KIRREL3: variants seen among roughly 807,000 people sequenced by gnomAD.
KIRREL3 encodes the protein kirre like nephrin family adhesion molecule 3.
A neutral mutation model predicts 89.7 loss-of-function variants in KIRREL3; 36 were observed. The observed-to-expected ratio is 0.40, with a 90% CI of 0.31 to 0.53. The LOEUF (loss-of-function observed/expected upper bound fraction) is 0.53, where lower values mean the gene tolerates loss of function less well. Among genes scored for constraint, KIRREL3 ranks in the 20% least tolerant of loss-of-function variants. KIRREL3 has a pLI of 0.49. For synonymous variants in KIRREL3, 445 were observed against 441.4 expected, an observed-to-expected ratio of 1.01 and a Z score of -0.10; for missense variants, 864 against 1,056.6, an observed-to-expected ratio of 0.82 and a Z score of 2.53.
rs1483974120 is a variant in KIRREL3 at position 126,860,258 on chromosome 11, C to T, written c.55+140197G>A. Among the ~76,000 whole-genome samples the T allele has an allele frequency of 2.6e-5, 4 of 152,090 alleles. No homozygotes were observed. The highest frequency in any genetic ancestry group is 5.9e-5 in the Non-Finnish European group (4 of 68,032). ...TTCTCCAACACCACACTGTGAGCTC[C>T]CAGAGGGTAGGAACTGACACTTAAA... is the stretch of plus-strand genomic sequence containing the variant. On this transcript the variant is annotated intron_variant, in intron 1 of 16. Coordinates refer to ENST00000525144, the MANE Select transcript of KIRREL3 (RefSeq NM_032531.4). This position sits in a 1 kb window ranked among gnomAD's most constrained non-coding sequence, Gnocchi z 4.6.
rs1284879447 is a variant in KIRREL3, at chr11:126,924,871, A to G, written c.55+75584T>C. On this transcript the variant is annotated intron_variant, in intron 1 of 16. Transcript: ENST00000525144. This position sits in a 1 kb window ranked among gnomAD's most constrained non-coding sequence, Gnocchi z 4.7. ...TGTTATTAGCATGATTCACTCTCCAACAGCATGAATATTCGGTGTGACTGT... is the reference window on the plus strand; with the variant it reads ...TGTTATTAGCATGATTCACTCTCCAGCAGCATGAATATTCGGTGTGACTGT... Among the ~76,000 whole-genome samples, 1 of 151,846 alleles carries G rather than the reference A, an allele frequency of 6.6e-6. No individual in the cohort carries two copies. Among genetic ancestry groups the G allele is most frequent in the East Asian group, 1.9e-4 (1 of 5,176 alleles).
At chr11:126,952,138 C>T (rs190376589) in intron 1 of KIRREL3, among the ~76,000 whole-genome samples, 14 of 152,340 alleles carry the variant, frequency 9.2e-5, no homozygotes, top group East Asian at 7.7e-4. Context: ...CTAATCCCAG[C>T]GCTTTGGGAG....
chr11:126,856,617 A>AT (rs1441369299), intron 1 of KIRREL3, among the ~76,000 whole-genome samples: 1 of 61,428 alleles, frequency 1.6e-5, no homozygotes, highest in Non-Finnish European at 3.2e-5. Context: ...ACACAGACAT[A>AT]TATTTTTTTT....
Position 126,424,571 on chromosome 11 carries a change from G to A in KIRREL3, c.*9C>T. 6.2e-7 allele frequency: 1 copy of A among 1,613,002 alleles called. No individual in the cohort carries two copies. The highest frequency in any genetic ancestry group is 8.5e-7 in the Non-Finnish European group (1 of 1,179,484). ...TCCCTGGCCCGTCCCCACCCGCGGTGTGTGATCCTTAGACGTGAGTCTGCA... is the reference window on the plus strand; with the variant it reads ...TCCCTGGCCCGTCCCCACCCGCGGTATGTGATCCTTAGACGTGAGTCTGCA... On this transcript the variant is annotated 3_prime_UTR_variant, in exon 17 of 17. Coordinates refer to ENST00000525144, the MANE Select transcript of KIRREL3 (RefSeq NM_032531.4).
chr11:126,429,330 T>C lies in KIRREL3; in HGVS notation c.1697-42A>G, dbSNP rs368620051. 2.2e-3 allele frequency: 3,116 copies of C among 1,438,310 alleles called. 5 individuals carry two copies. Among genetic ancestry groups the C allele is most frequent in the Non-Finnish European group, 2.6e-3 (2,667 of 1,022,662 alleles). 89.1% of individuals were successfully genotyped at this position (1,438,310 alleles called of 1,614,324 possible). ...AAAGTGTAGATGATAGATTTAGTTC[T>C]TACCTTTGAGATGTCAAGCTCCCTT... On this transcript the variant is annotated intron_variant, in intron 14 of 16. Transcript: ENST00000525144. This position sits in a 1 kb window ranked among gnomAD's most constrained non-coding sequence, Gnocchi z 5.2.
rs1949359597 is a variant in KIRREL3 at position 126,969,088 on chromosome 11, G to C, written c.55+31367C>G. Among the ~76,000 whole-genome samples, 2 of 152,170 alleles carry C rather than the reference G, an allele frequency of 1.3e-5. No individual in the cohort carries two copies. Among genetic ancestry groups the C allele is most frequent in the Non-Finnish European group, 2.9e-5 (2 of 68,030 alleles). ...GGGCGTCTGAGGTTCGCGTGTGAGG[G>C]AATCAGGTGCATTGCACAGTCATCT... On this transcript the variant is annotated intron_variant, in intron 1 of 16. Coordinates refer to ENST00000525144, the MANE Select transcript of KIRREL3 (RefSeq NM_032531.4). The surrounding 1 kb of genome is among the most constrained non-coding windows in gnomAD (Gnocchi z 4.9).
Position 126,709,841 on chromosome 11 carries a change from G to A in KIRREL3, c.56-146929C>T, listed in dbSNP as rs917613812. Among the ~76,000 whole-genome samples, 2 of 152,186 alleles carry A rather than the reference G, an allele frequency of 1.3e-5. No homozygotes were observed. The highest frequency in any genetic ancestry group is 2.4e-5 in the African/African-American group (1 of 41,436). On this transcript the variant is annotated intron_variant, in intron 1 of 16. Transcript: ENST00000525144. The surrounding 1 kb of genome is among the most constrained non-coding windows in gnomAD (Gnocchi z 4.0). ...CAGGGAAACTAATACAGGAGGCCGG[G>A]CAGGCATTGTCCAAGGGAGCTGGAG... is the stretch of plus-strand genomic sequence containing the variant.
chr11:126,468,194 G>C (rs1956784270), intron 5 of KIRREL3, among the ~76,000 whole-genome samples: 1 of 152,190 alleles, frequency 6.6e-6, no homozygotes, highest in African/African-American at 2.4e-5. Flanking sequence ...TTCCTCCCCT[G>C]CTGTGTGGAC....
Position 126,455,667 on chromosome 11 carries a change from G to T in KIRREL3, c.848+682C>A, listed in dbSNP as rs1181957671. ...AAAAAATTAGCTGGCGTGGTGGCGG[G>T]CGCCTGTAGTCCCAGCTACTTGGGA... On this transcript the variant is annotated intron_variant, in intron 7 of 16. Transcript: ENST00000525144. This position sits in a 1 kb window ranked among gnomAD's most constrained non-coding sequence, Gnocchi z 6.4. Among the ~76,000 whole-genome samples, 1 of 151,988 alleles carries T rather than the reference G, an allele frequency of 6.6e-6. No homozygotes were observed. Among genetic ancestry groups the T allele is most frequent in the Non-Finnish European group, 1.5e-5 (1 of 67,980 alleles).
chr11:126,933,762 C>T (rs1183635730), intron 1 of KIRREL3, among the ~76,000 whole-genome samples: 1 of 102,296 alleles, frequency 9.8e-6, no homozygotes, highest in Non-Finnish European at 1.9e-5. Flanking sequence ...AATACTTGTA[C>T]AATTCCCACC....
intron 1 of KIRREL3, among the ~76,000 whole-genome samples, chr11:126,758,957 A>G (rs1454174953): frequency 6.6e-6 from 1 of 152,210 alleles, no homozygotes; most frequent in Non-Finnish European, 1.5e-5. Flanking sequence ...AAAACAATTT[A>G]AAATGCTTTC....
In KIRREL3 at chr11:126,523,748, C is replaced by T. The variant is rs1195403970; in HGVS notation, c.284-2284G>A. Among the ~76,000 whole-genome samples, 1 of 152,172 alleles carries T rather than the reference C, an allele frequency of 6.6e-6. No homozygotes were observed. Among genetic ancestry groups the T allele is most frequent in the Non-Finnish European group, 1.5e-5 (1 of 68,030 alleles). On this transcript the variant is annotated intron_variant, in intron 3 of 16. Transcript: ENST00000525144. This position sits in a 1 kb window ranked among gnomAD's most constrained non-coding sequence, Gnocchi z 4.9. ...TGCCTTCCTTGTAGCTGGCTGGCTA[C>T]CCCCAGCCCCTCCAGCCCAGCCTCT...
intron 1 of KIRREL3, among the ~76,000 whole-genome samples, chr11:126,949,773 G>C (rs1948725130): frequency 6.6e-6 from 1 of 152,180 alleles, no homozygotes; most frequent in Admixed American, 6.5e-5. Flanking sequence ...CATTCTCCAA[G>C]AGAGAAGGGC....
chr11:126,698,723 C>A (rs1007396373), intron 1 of KIRREL3, among the ~76,000 whole-genome samples: 2 of 152,214 alleles, frequency 1.3e-5, no homozygotes, highest in Admixed American at 6.5e-5. Flanking sequence ...GCTCAGCTGG[C>A]CTGAGGAGCG....
In KIRREL3 at chr11:126,785,872, C is replaced by CAA. The variant is rs34526435; in HGVS notation, c.55+214581_55+214582dup. Among the ~76,000 whole-genome samples the CAA allele has an allele frequency of 2.1e-3, 80 of 37,814 alleles. 3 individuals carry two copies. Among genetic ancestry groups the CAA allele is most frequent in the African/African-American group, 2.9e-3 (27 of 9,352 alleles). 24.8% of individuals were successfully genotyped at this position (37,814 alleles called of 152,430 possible). A position where few individuals can be genotyped will look rare whatever the true frequency, so the allele number is the denominator to read the frequency against. On this transcript the variant is annotated intron_variant, in intron 1 of 16. Transcript: ENST00000525144. ...CTGGTGACACAGCGAGACTCCGTCT[C>CAA]AAAAAAAAAAAAAAAAAAAAAAAAA...
chr11:126,583,873 C>A (rs1444711675), intron 1 of KIRREL3, among the ~76,000 whole-genome samples: 3 of 152,202 alleles, frequency 2.0e-5, no homozygotes, highest in Non-Finnish European at 4.4e-5. Context: ...GGGAGGCTGC[C>A]TGTGTGCAAC....
At position 126,656,574 on chromosome 11, in the gene KIRREL3, C is replaced by A. The variant is rs1245589422; in HGVS notation, c.56-93662G>T. Among the ~76,000 whole-genome samples the A allele has an allele frequency of 6.6e-6, 1 of 152,202 alleles. No homozygotes were observed. The highest frequency in any genetic ancestry group is 1.5e-5 in the Non-Finnish European group (1 of 68,030). On this transcript the variant is annotated intron_variant, in intron 1 of 16. Coordinates refer to ENST00000525144, the MANE Select transcript of KIRREL3 (RefSeq NM_032531.4). The surrounding 1 kb of genome is among the most constrained non-coding windows in gnomAD (Gnocchi z 4.0). ...GTGCTCCTGGGCACCGCCTGCCCAG[C>A]CCCTGCACTGATTGTCTTACCCACA...
intron 3 of KIRREL3, among the ~76,000 whole-genome samples, chr11:126,524,323 T>A (rs947947): frequency 0.27 from 41,676 of 152,156 alleles, 6,923 homozygotes; most frequent in African/African-American, 0.46. Context: ...GAGAAAGGTA[T>A]GTCATAAGGT....
At position 126,978,960 on chromosome 11, in the gene KIRREL3, G is replaced by C. The variant is rs778235203; in HGVS notation, c.55+21495C>G. 4.6e-5 allele frequency among the ~76,000 whole-genome samples: 7 copies of C among 152,140 alleles called. No homozygotes were observed. In the South Asian group the frequency reaches 6.2e-4, roughly 14 times the overall value. ...CAGTGTGTACTGAGAAAACAACAAG[G>C]GTTGCCAGAAATGGGAAACATAATT... On this transcript the variant is annotated intron_variant, in intron 1 of 16. Coordinates refer to ENST00000525144, the MANE Select transcript of KIRREL3 (RefSeq NM_032531.4). The surrounding 1 kb of genome is among the most constrained non-coding windows in gnomAD (Gnocchi z 4.2).
Sources: gnomAD v4.1 joint callset for allele counts (sites outside exome capture counted in the v4.1 genomes callset) on GRCh38, gnomAD v4.1.1 for gene constraint, Gnocchi (gnomAD v3.1) non-coding constraint, MANE v1.5 for transcripts, NCBI Gene and HGNC (gene_info 2026-07-23, HGNC 2026-07-21) for gene names.